Variants in CSMD2 observed in about 807,000 individuals in gnomAD.
CSMD2 encodes CUB and Sushi multiple domains 2, also known as CUB and sushi domain-containing protein 2.
In CSMD2, 130 loss-of-function variants were observed where a neutral mutation model predicts 398.5. The ratio of observed to expected loss-of-function variants is 0.33; its 90% confidence interval spans 0.28 to 0.38. The LOEUF (loss-of-function observed/expected upper bound fraction) is 0.38, where lower values mean the gene tolerates loss of function less well. Among genes scored for constraint, CSMD2 ranks in the 10% least tolerant of loss-of-function variants. CSMD2 has a pLI of 1.00. For synonymous variants in CSMD2, 1,828 were observed against 1,908.5 expected (o/e 0.96, Z 1.10); for missense variants, 3,829 against 4,764.9 (o/e 0.80, Z 5.78).
At chr1:33,796,184 C>T (rs550702723) in intron 10 of CSMD2, among the ~76,000 whole-genome samples, 2 of 152,232 alleles carry the variant, frequency 1.3e-5, no homozygotes, top group Admixed American at 6.5e-5. Flanking sequence ...CAATCATAGT[C>T]TTTGATCATC....
chr1:33,983,306 G>A, intron 3 of CSMD2, among the ~76,000 whole-genome samples: 1 of 152,188 alleles, frequency 6.6e-6, no homozygotes, highest in East Asian at 1.9e-4. Flanking sequence ...AAGGATGTGG[G>A]CAATGCAGCA....
intron 53 of CSMD2, among the ~76,000 whole-genome samples, chr1:33,561,263 T>C (rs758285706): frequency 6.6e-6 from 1 of 152,082 alleles, no homozygotes; most frequent in Non-Finnish European, 1.5e-5. Context: ...GCAGGGGACA[T>C]GCTGTTAGTG....
chr1:33,605,622 T>G, intron 41 of CSMD2, 152 bp from the exon 42 acceptor site: 1 of 828,340 alleles, frequency 1.2e-6, no homozygotes, highest in Non-Finnish European at 1.9e-6. Context: ...TTAACTTGTG[T>G]ACGCCTCAGT....
At chr1:33,927,177 C>T (rs1027003192) in intron 4 of CSMD2, among the ~76,000 whole-genome samples, 8 of 152,296 alleles carry the variant, frequency 5.3e-5, no homozygotes, top group Middle Eastern at 3.4e-3. Flanking sequence ...TGAATGGTTT[C>T]GTGTGCCTAA....
chr1:34,081,980 G>A (rs1180208258), intron 2 of CSMD2, among the ~76,000 whole-genome samples: 5 of 139,918 alleles, frequency 3.6e-5, no homozygotes, highest in African/African-American at 1.4e-4. Flanking sequence ...GCCGCCCATC[G>A]TCTGGGATGT....
At chr1:33,657,174 T>G (rs978987452) in intron 27 of CSMD2, among the ~76,000 whole-genome samples, 3 of 152,188 alleles carry the variant, frequency 2.0e-5, no homozygotes, top group Admixed American at 6.5e-5. Flanking sequence ...AGGAAGGTTT[T>G]AAGACTGAGG....
chr1:33,947,539 T>C (rs1348273400), intron 3 of CSMD2, among the ~76,000 whole-genome samples: 1 of 152,144 alleles, frequency 6.6e-6, no homozygotes. Flanking sequence ...TGAACTTGTA[T>C]TTTACTGGAA....
intron 1 of CSMD2, among the ~76,000 whole-genome samples, chr1:34,146,013 C>T (rs1374812130): frequency 1.3e-5 from 2 of 152,188 alleles, no homozygotes; most frequent in African/African-American, 4.8e-5. Flanking sequence ...TCAGCCTCAA[C>T]AGGCCAAGCC....
At chr1:34,112,441 C>A (rs920643391) in intron 1 of CSMD2, among the ~76,000 whole-genome samples, 1 of 152,192 alleles carries the variant, frequency 6.6e-6, no homozygotes, top group African/African-American at 2.4e-5. Context: ...TCTATAGGCA[C>A]TCCAGCCATG....
chr1:33,709,746 T>C (rs941304454), intron 21 of CSMD2, among the ~76,000 whole-genome samples: 2 of 152,150 alleles, frequency 1.3e-5, no homozygotes, highest in Non-Finnish European at 2.9e-5. Flanking sequence ...AACAGCACGA[T>C]TGACACTTTA....
At chr1:33,638,462 A>G (rs1255015216) in intron 29 of CSMD2, among the ~76,000 whole-genome samples, 1 of 152,238 alleles carries the variant, frequency 6.6e-6, no homozygotes, top group Non-Finnish European at 1.5e-5. Context: ...ACCTTCATCC[A>G]TCAATAACAG....
Position 33,537,049 on chromosome 1 carries a change from C to A in CSMD2, c.9852G>T (p.Gly3284=). 1 of 1,614,180 alleles carries A rather than the reference C, an allele frequency of 6.2e-7. No individual in the cohort carries two copies. Among genetic ancestry groups the A allele is most frequent in the Non-Finnish European group, 8.5e-7 (1 of 1,180,028 alleles). ...TCADPGVPQF[G]IQNNSQGYQV... is the part of the protein sequence containing the mutation. ...GGTAGCCCTGAGAATTGTTCTGTATCCCAAACTGTGGCACACCAGGGTCCG... is the reference window on the plus strand; with the variant it reads ...GGTAGCCCTGAGAATTGTTCTGTATACCAAACTGTGGCACACCAGGGTCCG... The change falls in exon 62 of 71, where the codon GGG becomes GGT. Residue 3284 remains glycine (G), a synonymous_variant. Coordinates refer to ENST00000373381, the MANE Select transcript of CSMD2 (RefSeq NM_001281956.2). The surrounding 1 kb of genome is among the most constrained non-coding windows in gnomAD (Gnocchi z 4.6).
At chr1:33,671,541 C>T (rs1644497957) in intron 25 of CSMD2, among the ~76,000 whole-genome samples, 1 of 152,056 alleles carries the variant, frequency 6.6e-6, no homozygotes, top group Admixed American at 6.5e-5. Flanking sequence ...TCTCCACATG[C>T]CTTTCCTCAA....
intron 15 of CSMD2, among the ~76,000 whole-genome samples, chr1:33,738,190 T>C (rs1162110245): frequency 6.6e-6 from 1 of 152,208 alleles, no homozygotes; most frequent in Non-Finnish European, 1.5e-5. Flanking sequence ...TCAAGAGGTC[T>C]CTTAAGTCTC....
At chr1:34,025,460 A>T (rs1558264719) in intron 3 of CSMD2, among the ~76,000 whole-genome samples, 1 of 152,156 alleles carries the variant, frequency 6.6e-6, no homozygotes, top group Non-Finnish European at 1.5e-5. Flanking sequence ...CATCAACTTA[A>T]TGTGTGAGGT....
At chr1:33,557,666 A>G in intron 55 of CSMD2, 68 bp downstream of exon 55, 1 of 1,326,470 alleles carries the variant, frequency 7.5e-7, no homozygotes, top group Middle Eastern at 2.5e-4. Context: ...ACACATGCAC[A>G]GAGGGGAGGA....
intron 29 of CSMD2, among the ~76,000 whole-genome samples, chr1:33,639,569 T>A (rs893763665): frequency 6.6e-6 from 1 of 152,214 alleles, no homozygotes; most frequent in African/African-American, 2.4e-5. Flanking sequence ...GTTCATCACC[T>A]GATCTTCTCA....
chr1:33,516,608 A>G (rs1293313772), intron 70 of CSMD2, 38 bp from the exon 71 acceptor site: 1 of 152,464 alleles, frequency 6.6e-6, no homozygotes, highest in Non-Finnish European at 1.5e-5. Context: ...TTGCAAAGAA[A>G]AAAGAGGCAG....
chr1:34,051,596 G>A (rs189580046), intron 2 of CSMD2, among the ~76,000 whole-genome samples: 99 of 151,906 alleles, frequency 6.5e-4, no homozygotes, highest in Non-Finnish European at 1.2e-3. Context: ...TTTAAGTATT[G>A]TTACTTTTAC....
Sources: allele counts gnomAD v4.1 joint callset (sites outside exome capture counted in the v4.1 genomes callset), GRCh38; gene constraint gnomAD v4.1.1; non-coding constraint Gnocchi (gnomAD v3.1); transcripts MANE v1.5; gene names NCBI Gene and HGNC (gene_info 2026-07-23, HGNC 2026-07-21).